Variants in DPP6 observed in about 807,000 individuals in gnomAD.
DPP6 encodes A-type potassium channel modulatory protein DPP6.
DPP6 carries 69 observed loss-of-function variants against 122.6 expected under a neutral mutation model. The ratio of observed to expected loss-of-function variants is 0.56; its 90% CI spans 0.46 to 0.69. The LOEUF is 0.69. Among genes scored for constraint, DPP6 ranks in the 30% least tolerant of loss-of-function variants. The pLI, the probability that DPP6 is intolerant of heterozygous loss-of-function variation, is 0.00. For missense variants in DPP6, 928 were observed against 1,116.9 expected, an observed-to-expected ratio of 0.83 and a Z score of 2.41; for synonymous variants, 418 against 433.1, an observed-to-expected ratio of 0.97 and a Z score of 0.43.
At chr7:154,810,143 A>G (rs1451165452) in intron 16 of DPP6, among the ~76,000 whole-genome samples, 1 of 116,408 alleles carries the variant, frequency 8.6e-6, no homozygotes, top group East Asian at 2.5e-4. Flanking sequence ...GACAAAAGCC[A>G]CCTCACCTGG....
intron 9 of DPP6, among the ~76,000 whole-genome samples, chr7:154,770,199 G>T (rs1031082359): frequency 8.5e-5 from 13 of 152,148 alleles, no homozygotes; most frequent in Non-Finnish European, 1.8e-4. Flanking sequence ...AGATTTATTG[G>T]ACTTACAGTT....
At chr7:153,799,969 G>A in the DPP6 span, among the ~76,000 whole-genome samples, 1 of 152,168 alleles carries the variant, frequency 6.6e-6, no homozygotes, top group Non-Finnish European at 1.5e-5. Context: ...ACTTCTGGTG[G>A]GAAGGTAAAT....
At chr7:154,860,975 A>AAGAT (rs774551029) in intron 17 of DPP6, among the ~76,000 whole-genome samples, 1 of 130,970 alleles carries the variant, frequency 7.6e-6, no homozygotes, top group Non-Finnish European at 1.5e-5. Flanking sequence ...AAAATGTAAA[A>AAGAT]AGATGATGAA....
intron 1 of DPP6, among the ~76,000 whole-genome samples, chr7:153,972,759 T>A (rs1429962632): frequency 7.5e-6 from 1 of 134,164 alleles, no homozygotes; most frequent in Non-Finnish European, 1.8e-5. Context: ...ATTGCAACTT[T>A]TTTTTTTTTT....
At chr7:153,804,070 G>A in the DPP6 span, among the ~76,000 whole-genome samples, 11 of 144,196 alleles carry the variant, frequency 7.6e-5, no homozygotes, top group East Asian at 6.0e-4. Flanking sequence ...TTTTTTTTGA[G>A]ACTGAGTCTT....
intron 7 of DPP6, among the ~76,000 whole-genome samples, chr7:154,689,739 CT>C (rs1839832194): frequency 6.6e-6 from 1 of 152,166 alleles, no homozygotes; most frequent in Non-Finnish European, 1.5e-5. Flanking sequence ...TTCAACAAAT[CT>C]ACGAAAGCAG....
At chr7:154,120,306 G>A (rs1807355064) in intron 1 of DPP6, among the ~76,000 whole-genome samples, 1 of 150,638 alleles carries the variant, frequency 6.6e-6, no homozygotes, top group African/African-American at 2.4e-5. Context: ...GTGCAGTGGT[G>A]TGATCTCAGC....
chr7:153,769,207 AAC>A, the DPP6 span, among the ~76,000 whole-genome samples: 1 of 152,218 alleles, frequency 6.6e-6, no homozygotes, highest in South Asian at 2.1e-4. Flanking sequence ...CACAAATGAT[AAC>A]AGTTATATCT....
intron 1 of DPP6, among the ~76,000 whole-genome samples, chr7:153,963,236 G>A (rs2129029086): frequency 6.6e-6 from 1 of 152,074 alleles, no homozygotes; most frequent in South Asian, 2.1e-4. Flanking sequence ...GGGTAGGGGA[G>A]TTGAGTGGCC....
chr7:154,651,657 A>G (rs186915261), intron 6 of DPP6, among the ~76,000 whole-genome samples: 12 of 152,288 alleles, frequency 7.9e-5, no homozygotes, highest in African/African-American at 2.6e-4. Context: ...GTCTCGAAGG[A>G]CTGTCTCCAA....
intron 1 of DPP6, 138 bp from the exon 2 acceptor site, chr7:154,446,076 T>C (rs1162855438): frequency 3.4e-6 from 2 of 584,222 alleles, no homozygotes; most frequent in African/African-American, 3.8e-5. Flanking sequence ...AGGGAACTAA[T>C]AGTAGCTTCA....
At chr7:154,098,809 C>A (rs1182350885) in intron 1 of DPP6, among the ~76,000 whole-genome samples, 1 of 152,156 alleles carries the variant, frequency 6.6e-6, no homozygotes, top group Non-Finnish European at 1.5e-5. Context: ...ACTCCCTTAA[C>A]CTTTCCTCTG....
At chr7:154,552,556 C>A (rs1829714129) in intron 4 of DPP6, among the ~76,000 whole-genome samples, 1 of 152,186 alleles carries the variant, frequency 6.6e-6, no homozygotes, top group Non-Finnish European at 1.5e-5. Context: ...AGGCTGGAAG[C>A]TGTGCTGGAT....
At chr7:154,630,054 C>T (rs937569999) in intron 5 of DPP6, among the ~76,000 whole-genome samples, 3 of 152,126 alleles carry the variant, frequency 2.0e-5, no homozygotes, top group African/African-American at 4.8e-5. Flanking sequence ...AACCCTTAGC[C>T]CTGTATTACA....
intron 1 of DPP6, chr7:153,968,895 G>T (rs1181527352): frequency 6.6e-6 from 1 of 152,132 alleles, no homozygotes; most frequent in African/African-American, 2.4e-5. Flanking sequence ...CACACAGCGT[G>T]ATGTTTTCAA....
At chr7:154,621,515 CATG>C (rs1398050953) in intron 5 of DPP6, among the ~76,000 whole-genome samples, 1 of 151,842 alleles carries the variant, frequency 6.6e-6, no homozygotes, top group East Asian at 1.9e-4. Context: ...ATTACAGGCT[CATG>C]CCACCACACC....
At chr7:154,264,094 C>G (rs547408953) in intron 1 of DPP6, among the ~76,000 whole-genome samples, 2 of 152,296 alleles carry the variant, frequency 1.3e-5, no homozygotes, top group African/African-American at 4.8e-5. Flanking sequence ...AAACCCTCTT[C>G]TTTAACACAA....
chr7:154,362,764 G>A (rs1811837644), intron 1 of DPP6, among the ~76,000 whole-genome samples: 1 of 152,052 alleles, frequency 6.6e-6, no homozygotes, highest in African/African-American at 2.4e-5. Context: ...TACTCCCTGA[G>A]CCAACCTTGC....
chr7:153,779,176 C>T, the DPP6 span, among the ~76,000 whole-genome samples: 4 of 147,846 alleles, frequency 2.7e-5, no homozygotes, highest in Non-Finnish European at 5.9e-5. Context: ...ATATCATTTT[C>T]CAATAGAAGG....
Sources: gnomAD v4.1 joint callset for allele counts (sites outside exome capture counted in the v4.1 genomes callset) on GRCh38, gnomAD v4.1.1 for gene constraint, MANE v1.5 for transcripts, NCBI Gene and HGNC (gene_info 2026-07-23, HGNC 2026-07-21) for gene names.